The following ARID2 variants were observed in gnomAD, a reference collection of about 807,000 sequenced individuals.
ARID2 encodes the protein AT-rich interaction domain 2, also known as AT-rich interactive domain-containing protein 2.
A neutral mutation model predicts 184.6 loss-of-function variants in ARID2; 32 were observed. The ratio of observed to expected loss-of-function variants is 0.17; its 90% CI spans 0.13 to 0.23. The LOEUF (loss-of-function observed/expected upper bound fraction) is 0.23. ARID2 is among the 10% of genes least tolerant of loss of function. The pLI is 1.00. For synonymous variants in ARID2, 836 were observed against 772.6 expected, an observed-to-expected ratio of 1.08 and a Z score of -1.36; for missense variants, 1,696 against 2,197.6, an observed-to-expected ratio of 0.77 and a Z score of 4.56.
In ARID2 at chr12:45,762,296, C is replaced by T. The variant is rs138762710; in HGVS notation, c.284+30982C>T. On this transcript the variant is annotated intron_variant, in intron 3 of 20. Coordinates refer to ENST00000334344, the MANE Select transcript of ARID2 (RefSeq NM_152641.4). ...AGAGATGGACATACACCGAGCTCAG[C>T]CATACTTGGTGTTTTTCTCACATGT... Among the ~76,000 whole-genome samples, 746 of 152,308 alleles carry T rather than the reference C, an allele frequency of 4.9e-3. 5 individuals are homozygous for T. Among genetic ancestry groups the T allele is most frequent in the African/African-American group, 0.017 (716 of 41,564 alleles).
At chr12:45,855,644 T>C (rs35115) in intron 15 of ARID2, among the ~76,000 whole-genome samples, 93,913 of 152,126 alleles carry the variant, frequency 0.62, 31,020 homozygotes, top group African/African-American at 0.87. Flanking sequence ...GAAGAGAAGG[T>C]TGTTGGGCCT....
intron 3 of ARID2, among the ~76,000 whole-genome samples, chr12:45,799,846 T>G (rs1001908674): frequency 6.6e-6 from 1 of 152,196 alleles, no homozygotes; most frequent in Non-Finnish European, 1.5e-5. Context: ...AAATTTAGTT[T>G]TATTTTCTTT....
chr12:45,870,249 A>G (rs1249716250), intron 16 of ARID2, among the ~76,000 whole-genome samples: 1 of 152,078 alleles, frequency 6.6e-6, no homozygotes, highest in East Asian at 1.9e-4. Context: ...CGGCCTCCCA[A>G]AGTGCTGGGA....
At chr12:45,882,957 A>C (rs1363136520) in intron 16 of ARID2, among the ~76,000 whole-genome samples, 1 of 152,236 alleles carries the variant, frequency 6.6e-6, no homozygotes. Context: ...TTGCTGACTT[A>C]GCCTGTTGGC....
intron 15 of ARID2, among the ~76,000 whole-genome samples, chr12:45,860,102 T>G (rs1406007999): frequency 6.6e-6 from 1 of 152,184 alleles, no homozygotes; most frequent in Non-Finnish European, 1.5e-5. Flanking sequence ...ATACCTGTAA[T>G]GCCAGCACTT....
chr12:45,783,227 A>G (rs975788428), intron 3 of ARID2, among the ~76,000 whole-genome samples: 1 of 152,224 alleles, frequency 6.6e-6, no homozygotes, highest in Non-Finnish European at 1.5e-5. Flanking sequence ...TTGTAATAAA[A>G]TCTGACCAAG....
chr12:45,748,543 G>A (rs1458743216), intron 3 of ARID2, among the ~76,000 whole-genome samples: 1 of 152,070 alleles, frequency 6.6e-6, no homozygotes, highest in African/African-American at 2.4e-5. Flanking sequence ...TGAAGATTGG[G>A]GTGGATGTGG....
At chr12:45,814,598 C>T (rs147893946) in intron 4 of ARID2, among the ~76,000 whole-genome samples, 35 of 152,010 alleles carry the variant, frequency 2.3e-4, no homozygotes, top group African/African-American at 7.2e-4. Context: ...TATAGTGAGC[C>T]GAAATCCACA....
At chr12:45,856,220 CA>C in intron 15 of ARID2, among the ~76,000 whole-genome samples, 1 of 151,432 alleles carries the variant, frequency 6.6e-6, no homozygotes, top group Non-Finnish European at 1.5e-5. Context: ...AATTACAGGC[CA>C]CCATGCCTGG....
chr12:45,882,440 T>C (rs2138219335), intron 16 of ARID2, among the ~76,000 whole-genome samples: 1 of 152,310 alleles, frequency 6.6e-6, no homozygotes, highest in Non-Finnish European at 1.5e-5. Flanking sequence ...TTGCAAGTGA[T>C]TAAAAACTTA....
At chr12:45,898,282 C>CA (rs1349222356) in intron 20 of ARID2, among the ~76,000 whole-genome samples, 6 of 151,914 alleles carry the variant, frequency 3.9e-5, no homozygotes, top group African/African-American at 9.7e-5. Context: ...GGGGGTAGTT[C>CA]AGGAATGGAG....
chr12:45,792,909 A>T (rs1024791600), intron 3 of ARID2, among the ~76,000 whole-genome samples: 7 of 152,242 alleles, frequency 4.6e-5, no homozygotes, highest in Non-Finnish European at 7.3e-5. Context: ...GATAAAAAGC[A>T]TATACTTGAA....
intron 16 of ARID2, among the ~76,000 whole-genome samples, chr12:45,883,778 C>T (rs889530890): frequency 6.6e-6 from 1 of 151,766 alleles, no homozygotes; most frequent in African/African-American, 2.4e-5. Context: ...AGCCCACTTC[C>T]TCAGCAGTAA....
At chr12:45,790,295 CTT>C (rs1302022198) in intron 3 of ARID2, among the ~76,000 whole-genome samples, 1 of 151,978 alleles carries the variant, frequency 6.6e-6, no homozygotes, top group African/African-American at 2.4e-5. Context: ...GTTTCTGTCT[CTT>C]TTATGCCTTA....
intron 20 of ARID2, among the ~76,000 whole-genome samples, chr12:45,898,829 G>A (rs533862278): frequency 1.0e-4 from 15 of 150,180 alleles, no homozygotes; most frequent in East Asian, 2.0e-4. Context: ...CAGGAGAATC[G>A]CTTGAACCCA....
chr12:45,745,513 CAG>C (rs1264688249), intron 3 of ARID2, among the ~76,000 whole-genome samples: 1 of 152,114 alleles, frequency 6.6e-6, no homozygotes, highest in Non-Finnish European at 1.5e-5. Flanking sequence ...AGAAGACTAT[CAG>C]AGATTTCTTT....
At chr12:45,813,321 C>T (rs1042290078) in intron 4 of ARID2, among the ~76,000 whole-genome samples, 1 of 151,776 alleles carries the variant, frequency 6.6e-6, no homozygotes, top group African/African-American at 2.4e-5. Flanking sequence ...CTAGAAAGAG[C>T]CATAGCAACA....
chr12:45,842,702 A>G (rs1339194841), intron 11 of ARID2, among the ~76,000 whole-genome samples: 1 of 151,986 alleles, frequency 6.6e-6, no homozygotes, highest in Non-Finnish European at 1.5e-5. Context: ...GGTTGCAGTG[A>G]GCCGAGATCA....
At chr12:45,760,748 G>A (rs1941660507) in intron 3 of ARID2, among the ~76,000 whole-genome samples, 2 of 151,014 alleles carry the variant, frequency 1.3e-5, no homozygotes, top group South Asian at 2.1e-4. Flanking sequence ...ACTATGGTGG[G>A]TTTATTTTGG....
Sources: allele counts gnomAD v4.1 joint callset (sites outside exome capture counted in the v4.1 genomes callset), GRCh38; gene constraint gnomAD v4.1.1; transcripts MANE v1.5; gene names NCBI Gene and HGNC (gene_info 2026-07-23, HGNC 2026-07-21).